RNF24: variants seen among roughly 807,000 people sequenced by gnomAD.
The protein encoded by RNF24 is ring finger protein 24.
A neutral mutation model predicts 20.0 loss-of-function variants in RNF24; 14 were observed. The ratio of observed to expected loss-of-function variants is 0.70; its 90% CI spans 0.46 to 1.10. The LOEUF is 1.10. Ranked by LOEUF, RNF24 falls within the 50% of genes least tolerant of loss-of-function variation. The pLI, the probability that RNF24 is intolerant of heterozygous loss-of-function variation, is 0.00. For synonymous variants in RNF24, 45 were observed against 61.1 expected, an observed-to-expected ratio of 0.74 and a Z score of 1.23; for missense variants, 124 against 177.6, an observed-to-expected ratio of 0.70 and a Z score of 1.71.
chr20:4,008,841 G>A (rs1982199995), intron 1 of RNF24, among the ~76,000 whole-genome samples: 1 of 151,592 alleles, frequency 6.6e-6, no homozygotes, highest in Non-Finnish European at 1.5e-5. Flanking sequence ...CACCATGCCC[G>A]GCCCAAGACT....
At chr20:3,985,358 G>A (rs1264336270) in intron 1 of RNF24, among the ~76,000 whole-genome samples, 1 of 151,948 alleles carries the variant, frequency 6.6e-6, no homozygotes, top group African/African-American at 2.4e-5. Context: ...AGAGTAGCTG[G>A]GCTTATAGAT....
chr20:3,927,538 G>A lies in RNF24; in HGVS notation c.*6525C>T, dbSNP rs1301308580. ...AGCATTTCATAAACCTTTTTTTGAG[G>A]GAGTTACACAATACCTAGTGAGGAA... On this transcript the variant is annotated 3_prime_UTR_variant, in exon 6 of 6. Coordinates refer to ENST00000358395, the MANE Select transcript of RNF24 (RefSeq NM_001134337.3). 1 of 151,976 alleles carries A rather than the reference G, an allele frequency of 6.6e-6. No homozygotes were observed. The highest frequency in any genetic ancestry group is 2.4e-5 in the African/African-American group (1 of 41,394). The allele number at this position is 151,976 out of a possible 1,614,324, so 9.4% of individuals were successfully genotyped here. A position where few individuals can be genotyped will look rare whatever the true frequency, so the allele number is the denominator to read the frequency against.
intron 3 of RNF24, among the ~76,000 whole-genome samples, chr20:3,947,361 C>T (rs1741246407): frequency 6.6e-6 from 1 of 152,092 alleles, no homozygotes; most frequent in African/African-American, 2.4e-5. Flanking sequence ...AAAATCTAGG[C>T]CCCCTGTTTG....
chr20:3,983,665 G>A (rs1172629488), intron 1 of RNF24, among the ~76,000 whole-genome samples: 2 of 151,986 alleles, frequency 1.3e-5, no homozygotes, highest in African/African-American at 4.8e-5. Flanking sequence ...TATCAGCCAG[G>A]CGTCGTGGCT....
At position 3,947,940 on chromosome 20, in the gene RNF24, G is replaced by A. The variant is rs190032873; in HGVS notation, c.186+297C>T. ...GCATGCCTGTAATCCCAGCTACTTG[G>A]GAGGCTGAGGCAGGAGAATAGCTTG... On this transcript the variant is annotated intron_variant, in intron 3 of 5. Transcript: ENST00000358395. Among the ~76,000 whole-genome samples, 282 of 152,192 alleles carry A rather than the reference G, an allele frequency of 1.9e-3. 1 individual carries two copies. Among genetic ancestry groups the A allele is most frequent in the Admixed American group, 4.6e-3 (70 of 15,290 alleles).
intron 2 of RNF24, among the ~76,000 whole-genome samples, chr20:3,951,474 A>C (rs145184634): frequency 2.0e-5 from 3 of 152,246 alleles, no homozygotes; most frequent in Admixed American, 2.0e-4. Context: ...TTGCCCACTG[A>C]TTTTAGCATC....
chr20:3,934,246 C>A lies in RNF24; in HGVS notation c.309-45G>T. On this transcript the variant is annotated intron_variant, in intron 5 of 5. Coordinates refer to ENST00000358395, the MANE Select transcript of RNF24 (RefSeq NM_001134337.3). This position sits in a 1 kb window ranked among gnomAD's most constrained non-coding sequence, Gnocchi z 4.0. ...AGGGGGAAGATGTCAGTCCTATGCT[C>A]ATGGCACGGCTGTTCTGCTGAACAT... 1.9e-6 allele frequency: 3 copies of A among 1,574,272 alleles called. No homozygotes were observed. Among genetic ancestry groups the A allele is most frequent in the Non-Finnish European group, 2.6e-6 (3 of 1,160,786 alleles).
At chr20:3,967,755 G>A (rs913762663) in intron 1 of RNF24, among the ~76,000 whole-genome samples, 1 of 152,130 alleles carries the variant, frequency 6.6e-6, no homozygotes, top group Admixed American at 6.6e-5. Flanking sequence ...CAGCACTTTG[G>A]GAGGCTGAGG....
At chr20:4,013,589 C>T (rs1336483787) in intron 1 of RNF24, among the ~76,000 whole-genome samples, 4 of 151,594 alleles carry the variant, frequency 2.6e-5, no homozygotes, top group Non-Finnish European at 1.5e-5. Context: ...TCAAGCGATT[C>T]TCCTGCCTCA....
intron 1 of RNF24, among the ~76,000 whole-genome samples, chr20:4,009,334 C>T (rs187258676): frequency 1.6e-4 from 24 of 152,244 alleles, no homozygotes; most frequent in African/African-American, 5.3e-4. Context: ...AGATGGGCAA[C>T]GTCACGGCAT....
In RNF24 at chr20:4,014,739, G is replaced by GCGCACACACA. The variant is rs1555804206; in HGVS notation, c.-8+697_-8+698insTGTGTGTGCG. On this transcript the variant is annotated intron_variant, in intron 1 of 5. Coordinates refer to ENST00000358395, the MANE Select transcript of RNF24 (RefSeq NM_001134337.3). ...ATAGATGTCCCTTTCACTTGAATGC[G>GCGCACACACA]CACACACACACACACACACACACAC... is the stretch of plus-strand genomic sequence containing the variant. 5.3e-3 allele frequency among the ~76,000 whole-genome samples: 762 copies of GCGCACACACA among 143,772 alleles called. 2 individuals are homozygous for GCGCACACACA. The highest frequency in any genetic ancestry group is 8.1e-3 in the Non-Finnish European group (529 of 65,600). 94.3% of individuals were successfully genotyped at this position (143,772 alleles called of 152,430 possible).
chr20:3,974,139 AT>A (rs984423926), intron 1 of RNF24, among the ~76,000 whole-genome samples: 17 of 152,006 alleles, frequency 1.1e-4, no homozygotes, highest in African/African-American at 3.6e-4. Context: ...ATATTAACTG[AT>A]TTAAAAAAAA....
At chr20:4,005,786 C>T (rs950417477) in intron 1 of RNF24, among the ~76,000 whole-genome samples, 1 of 151,650 alleles carries the variant, frequency 6.6e-6, no homozygotes, top group Non-Finnish European at 1.5e-5. Context: ...CAGCACCATT[C>T]AATCTGCACA....
chr20:3,928,859 GTGTTT>G lies in RNF24; in HGVS notation c.*5199_*5203del, dbSNP rs1172689516. ...TGTAGGAAGCATTTTCTTTTCTTGT[GTGTTT>G]TTTTGAGACGGAGTCTCGCTCTGTT... On this transcript the variant is annotated 3_prime_UTR_variant, in exon 6 of 6. Coordinates refer to ENST00000358395, the MANE Select transcript of RNF24 (RefSeq NM_001134337.3). 2.0e-5 allele frequency: 3 copies of G among 149,650 alleles called. No individual in the cohort carries two copies. Among genetic ancestry groups the G allele is most frequent in the African/African-American group, 7.3e-5 (3 of 40,880 alleles). The allele number at this position is 149,650 out of a possible 1,614,324, so 9.3% of individuals were successfully genotyped here. A position where few individuals can be genotyped will look rare whatever the true frequency, so the allele number is the denominator to read the frequency against.
chr20:4,011,541 C>A (rs1982461697), intron 1 of RNF24, among the ~76,000 whole-genome samples: 3 of 152,174 alleles, frequency 2.0e-5, no homozygotes, highest in Non-Finnish European at 4.4e-5. Flanking sequence ...CCAGCAGGAC[C>A]ATCTCCTGGG....
chr20:3,994,596 A>G (rs1980714296), intron 1 of RNF24, among the ~76,000 whole-genome samples: 1 of 152,222 alleles, frequency 6.6e-6, no homozygotes, highest in East Asian at 1.9e-4. Flanking sequence ...AATTGGTAGC[A>G]TAAAGTTGCT....
At chr20:4,005,706 A>C (rs552999216) in intron 1 of RNF24, among the ~76,000 whole-genome samples, 1 of 152,348 alleles carries the variant, frequency 6.6e-6, no homozygotes, top group East Asian at 1.9e-4. Flanking sequence ...AAGGAACAAT[A>C]AAGAGATACA....
chr20:3,984,307 T>C (rs1423279173), intron 1 of RNF24, among the ~76,000 whole-genome samples: 2 of 152,132 alleles, frequency 1.3e-5, no homozygotes, highest in African/African-American at 4.8e-5. Flanking sequence ...TTGAGTACCT[T>C]TATGGCCTCT....
In RNF24 at chr20:3,981,283, G is replaced by A. The variant is rs916630909; in HGVS notation, c.-7-17259C>T. On this transcript the variant is annotated intron_variant, in intron 1 of 5. Coordinates refer to ENST00000358395, the MANE Select transcript of RNF24 (RefSeq NM_001134337.3). ...CACTGAGTTTGTGCCCCTGCTTTAC[G>A]ATTTCTATCTTTGGTTTCCCCACAT... Among the ~76,000 whole-genome samples the A allele has an allele frequency of 3.3e-5, 5 of 151,914 alleles. No homozygotes were observed. In the South Asian group the frequency reaches 6.2e-4, roughly 19 times the overall value.
Sources: allele counts gnomAD v4.1 joint callset (sites outside exome capture counted in the v4.1 genomes callset), GRCh38; gene constraint gnomAD v4.1.1; non-coding constraint Gnocchi (gnomAD v3.1); transcripts MANE v1.5; gene names NCBI Gene and HGNC (gene_info 2026-07-23, HGNC 2026-07-21).